SLC26A8: variants seen among roughly 807,000 people sequenced by gnomAD.
The protein encoded by SLC26A8 is testis anion transporter 1.
Under a neutral mutation model 105.0 loss-of-function variants are expected in SLC26A8, and 70 were observed. That is an observed-to-expected ratio of 0.67 (90% CI 0.55 to 0.81). The LOEUF (loss-of-function observed/expected upper bound fraction) is 0.81. Ranked by LOEUF, SLC26A8 falls within the 40% of genes least tolerant of loss-of-function variation. The pLI is 0.00. For synonymous variants in SLC26A8, 415 were observed against 438.3 expected (o/e 0.95, Z 0.66); for missense variants, 998 against 1,181.8 (o/e 0.84, Z 2.28).
At chr6:35,980,254 T>C (rs966534247) in intron 8 of SLC26A8, among the ~76,000 whole-genome samples, 3 of 152,226 alleles carry the variant, frequency 2.0e-5, no homozygotes, top group African/African-American at 4.8e-5. Context: ...ATTACAGGCA[T>C]GAGGCACTGT....
Position 35,977,367 on chromosome 6 carries a change from G to A in SLC26A8, c.1026-16C>T. On this transcript the variant is annotated splice_polypyrimidine_tract_variant and intron_variant, in intron 8 of 19. Transcript: ENST00000490799. ...AAGCAGAAAGCTGGAATAGAATAGT[G>A]GAATTATTTCTGGATAGCAGGAATC... is the stretch of plus-strand genomic sequence containing the variant. The A allele has an allele frequency of 6.2e-7, 1 of 1,609,106 alleles. No individual in the cohort carries two copies. The highest frequency in any genetic ancestry group is 8.5e-7 in the Non-Finnish European group (1 of 1,177,934).
At position 35,955,412 on chromosome 6, in the gene SLC26A8, C is replaced by T. The variant is rs767361951; in HGVS notation, c.1972G>A (p.Glu658Lys). ...GATACTGTGTATGGCACTTGGTCTT[C>T]GGATGCAGTTTGGCTTGTGTTCATG... ...ESMNTSQTASEDQVPYTVSSV... is the reference protein window; with the variant it reads ...ESMNTSQTASKDQVPYTVSSV... Residue 658 changes from glutamate (E) to lysine (K), a missense_variant, in exon 17 of 20, where the codon GAA (glutamate) becomes AAA (lysine). By Grantham distance (56) the Glu-to-Lys change is moderately conservative. Coordinates refer to ENST00000490799, the MANE Select transcript of SLC26A8 (RefSeq NM_052961.4). 28 of 1,614,064 alleles carry T rather than the reference C, an allele frequency of 1.7e-5. 1 individual carries two copies. Among genetic ancestry groups the T allele is most frequent in the South Asian group, 3.3e-5 (3 of 91,090 alleles).
At position 35,955,370 on chromosome 6, in the gene SLC26A8, T is replaced by G; in HGVS notation, c.2014A>C (p.Asn672His). ...ACCTCCTCATACTGTTGCCCTTGAT[T>G]TTTCTGAGACACGGACGATACTGTG... ...PYTVSSVSQKNQGQQYEEVEE... is the reference protein window; with the variant it reads ...PYTVSSVSQKHQGQQYEEVEE... The change falls in exon 17 of 20, where the codon AAT (asparagine) becomes CAT (histidine). Residue 672 changes from asparagine (N) to histidine (H), a missense_variant. Transcript: ENST00000490799. The G allele has an allele frequency of 6.2e-7, 1 of 1,614,178 alleles. No individual in the cohort carries two copies. Among genetic ancestry groups the G allele is most frequent in the Non-Finnish European group, 8.5e-7 (1 of 1,180,038 alleles).
intron 8 of SLC26A8, among the ~76,000 whole-genome samples, chr6:35,979,874 A>T (rs1456525189): frequency 6.6e-6 from 1 of 152,246 alleles, no homozygotes; most frequent in African/African-American, 2.4e-5. Flanking sequence ...AGAAAGCTCA[A>T]AGCAACGCTT....
Position 36,024,233 on chromosome 6 carries a change from T to C in SLC26A8, c.-3+271A>G, listed in dbSNP as rs1177102118. On this transcript the variant is annotated intron_variant, in intron 1 of 19. Transcript: ENST00000490799. ...GTCAGTTCTGGGGCTTTTGACAATATAGACAGGAGAATTTGAAAGGATGCA... is the reference window on the plus strand; with the variant it reads ...GTCAGTTCTGGGGCTTTTGACAATACAGACAGGAGAATTTGAAAGGATGCA... 9 of 312,668 alleles carry C rather than the reference T, an allele frequency of 2.9e-5. No individual in the cohort carries two copies. In the East Asian group the frequency reaches 4.2e-4, roughly 15 times the overall value. The allele number at this position is 312,668 out of a possible 1,614,324, so 19.4% of individuals were successfully genotyped here. A position where few individuals can be genotyped will look rare whatever the true frequency, so the allele number is the denominator to read the frequency against.
chr6:35,962,393 A>G lies in SLC26A8; in HGVS notation c.1461+133T>C, dbSNP rs1772342564. 4.2e-6 allele frequency: 3 copies of G among 712,604 alleles called. No individual in the cohort carries two copies. In the Admixed American group the frequency reaches 7.9e-5, roughly 19 times the overall value. 44.1% of individuals were successfully genotyped at this position (712,604 alleles called of 1,614,324 possible). A position where few individuals can be genotyped will look rare whatever the true frequency, so the allele number is the denominator to read the frequency against. On this transcript the variant is annotated intron_variant, in intron 12 of 19. Transcript: ENST00000490799. ...AACCTTGACTCTCCTTTTTAAAGCA[A>G]AACTGGAGTACTAGGCATCAAAGAG... is the stretch of plus-strand genomic sequence containing the variant.
At chr6:35,947,012 A>G (rs1260095975) in intron 19 of SLC26A8, among the ~76,000 whole-genome samples, 4 of 151,690 alleles carry the variant, frequency 2.6e-5, no homozygotes, top group Non-Finnish European at 5.9e-5. Flanking sequence ...TTAAACCAGC[A>G]TCACCACTAG....
At chr6:36,005,377 C>T (rs991061419) in intron 3 of SLC26A8, among the ~76,000 whole-genome samples, 8 of 152,040 alleles carry the variant, frequency 5.3e-5, no homozygotes, top group African/African-American at 1.9e-4. Flanking sequence ...GGATTCTATC[C>T]AGAGTCTCAC....
At chr6:36,013,389 G>T (rs1581698170) in intron 2 of SLC26A8, among the ~76,000 whole-genome samples, 1 of 152,090 alleles carries the variant, frequency 6.6e-6, no homozygotes, top group African/African-American at 2.4e-5. Context: ...TAGAGATGGA[G>T]TTTCACCATG....
chr6:35,981,234 T>C lies in SLC26A8; in HGVS notation c.1025+887A>G, dbSNP rs1773253858. On this transcript the variant is annotated intron_variant, in intron 8 of 19. Transcript: ENST00000490799. The surrounding 1 kb of genome is among the most constrained non-coding windows in gnomAD (Gnocchi z 4.0). The stretch of plus-strand genomic sequence containing the variant: ...TAACAGAAGCAAGAGCCATGCCTCA[T>C]AGTCACTGGTAGGAATTATAATGTA... Among the ~76,000 whole-genome samples, 3 of 152,180 alleles carry C rather than the reference T, an allele frequency of 2.0e-5. No individual in the cohort carries two copies. Among genetic ancestry groups the C allele is most frequent in the Admixed American group, 2.0e-4 (3 of 15,278 alleles).
intron 3 of SLC26A8, among the ~76,000 whole-genome samples, chr6:36,009,000 T>C (rs1761770265): frequency 6.6e-6 from 1 of 152,176 alleles, no homozygotes; most frequent in African/African-American, 2.4e-5. Flanking sequence ...ACTCCAGCAA[T>C]GTACTACACT....
At chr6:35,983,972 G>A (rs1417285822) in intron 7 of SLC26A8, among the ~76,000 whole-genome samples, 4 of 152,028 alleles carry the variant, frequency 2.6e-5, no homozygotes, top group Non-Finnish European at 5.9e-5. Context: ...GACCGTGGGC[G>A]CCTCCATCCT....
chr6:35,963,824 C>T (rs1772403203), intron 11 of SLC26A8, among the ~76,000 whole-genome samples: 1 of 152,178 alleles, frequency 6.6e-6, no homozygotes, highest in African/African-American at 2.4e-5. Flanking sequence ...AAAACAATTC[C>T]AACTGGGCTT....
intron 11 of SLC26A8, among the ~76,000 whole-genome samples, chr6:35,962,928 C>T (rs1324626965): frequency 6.6e-6 from 1 of 152,134 alleles, no homozygotes; most frequent in Non-Finnish European, 1.5e-5. Context: ...CTCAGCCTCC[C>T]AAGTAGCTGG....
chr6:35,993,129 C>G (rs1174971298), intron 5 of SLC26A8, among the ~76,000 whole-genome samples: 1 of 139,422 alleles, frequency 7.2e-6, no homozygotes, highest in Non-Finnish European at 1.5e-5. Flanking sequence ...TCCCAAATAG[C>G]TGGGACTACA....
chr6:35,969,019 G>A (rs201960362), intron 10 of SLC26A8, 65 bp from the exon 11 acceptor site: 145 of 1,411,536 alleles, frequency 1.0e-4, no homozygotes, highest in Middle Eastern at 7.0e-4. Context: ...CTGCAACTGA[G>A]GCCTTCTGCT....
At chr6:36,011,782 A>G (rs1269516646) in intron 3 of SLC26A8, among the ~76,000 whole-genome samples, 2 of 151,774 alleles carry the variant, frequency 1.3e-5, no homozygotes, top group Non-Finnish European at 2.9e-5. Flanking sequence ...TAATTTTTGT[A>G]TTTTTTTGTA....
At chr6:35,985,860 A>C (rs1773499017) in intron 7 of SLC26A8, among the ~76,000 whole-genome samples, 1 of 151,726 alleles carries the variant, frequency 6.6e-6, no homozygotes. Context: ...TTGTTTCCCG[A>C]GCTCTAGAGC....
chr6:35,970,983 G>A (rs1012116439), intron 10 of SLC26A8, among the ~76,000 whole-genome samples: 19 of 152,004 alleles, frequency 1.2e-4, no homozygotes, highest in African/African-American at 4.1e-4. Context: ...CCAAGACCTC[G>A]CCAATGCACT....
Sources: gnomAD v4.1 joint callset for allele counts (sites outside exome capture counted in the v4.1 genomes callset) on GRCh38, gnomAD v4.1.1 for gene constraint, Gnocchi (gnomAD v3.1) non-coding constraint, MANE v1.5 for transcripts, NCBI Gene and HGNC (gene_info 2026-07-23, HGNC 2026-07-21) for gene names.